Variants in EYS observed in about 807,000 individuals in gnomAD.
EYS encodes EGF-like photoreceptor maintenance factor.
Under a neutral mutation model 282.1 loss-of-function variants are expected in EYS, and 250 were observed. The ratio of observed to expected loss-of-function variants is 0.89; its 90% CI spans 0.80 to 0.98. The LOEUF (loss-of-function observed/expected upper bound fraction) is 0.98. Ranked by LOEUF, EYS falls within the 50% of genes least tolerant of loss-of-function variation. The probability of loss-of-function intolerance (pLI) is 0.00; values close to 1 mark genes in which losing one functional copy is unlikely to be tolerated. For synonymous variants in EYS, 1,355 were observed against 1,282.9 expected (o/e 1.06, Z -1.20); for missense variants, 4,016 against 3,709.0 (o/e 1.08, Z -2.15).
intron 32 of EYS, among the ~76,000 whole-genome samples, chr6:64,068,948 T>G (rs1371342461): frequency 1.4e-5 from 2 of 141,234 alleles, no homozygotes; most frequent in Non-Finnish European, 3.1e-5. Flanking sequence ...GCCTTAAACA[T>G]AGACACAAGT....
chr6:64,801,294 C>T (rs1774544055), intron 22 of EYS, among the ~76,000 whole-genome samples: 1 of 152,050 alleles, frequency 6.6e-6, no homozygotes, highest in Non-Finnish European at 1.5e-5. Context: ...TTGAAGAAAA[C>T]ATAAGTGTTT....
intron 30 of EYS, among the ~76,000 whole-genome samples, chr6:64,301,082 T>C (rs572884936): frequency 1.3e-5 from 2 of 152,334 alleles, no homozygotes; most frequent in Non-Finnish European, 2.9e-5. Flanking sequence ...AGAGATTTAA[T>C]GATTGCGCCT....
intron 22 of EYS, among the ~76,000 whole-genome samples, chr6:64,686,825 A>ATATATATACGTG (rs1562133928): frequency 0.028 from 493 of 17,682 alleles, 34 homozygotes; most frequent in Non-Finnish European, 0.091. Flanking sequence ...ATATATGTGT[A>ATATATATACGTG]TATATATATA....
At position 64,092,599 on chromosome 6, in the gene EYS, CTT is replaced by C. The variant is rs989093763; in HGVS notation, c.6425-10599_6425-10598del. Among the ~76,000 whole-genome samples, 42 of 151,922 alleles carry C rather than the reference CTT, an allele frequency of 2.8e-4. No homozygotes were observed. The South Asian group carries it at 3.7e-3, about 14-fold the overall frequency. On this transcript the variant is annotated intron_variant, in intron 31 of 42. Coordinates refer to ENST00000503581, the MANE Select transcript of EYS (RefSeq NM_001142800.2). ...CCTTTGCCCACTTTTTGATGGGGTT[CTT>C]TGTTTTTTTTCTTGTAAATTTGTTT... is the stretch of plus-strand genomic sequence containing the variant.
intron 18 of EYS, among the ~76,000 whole-genome samples, chr6:64,892,042 G>A (rs531972916): frequency 1.3e-5 from 2 of 151,976 alleles, no homozygotes; most frequent in Middle Eastern, 7.0e-3. Flanking sequence ...CATTTTAACA[G>A]TGACTTCTGA....
At position 64,021,333 on chromosome 6, in the gene EYS, G is replaced by T. The variant is rs533976364; in HGVS notation, c.6726-22150C>A. 1.2e-4 allele frequency among the ~76,000 whole-genome samples: 18 copies of T among 151,892 alleles called. No individual in the cohort carries two copies. In the East Asian group the frequency reaches 2.7e-3, roughly 23 times the overall value. On this transcript the variant is annotated intron_variant, in intron 33 of 42. Coordinates refer to ENST00000503581, the MANE Select transcript of EYS (RefSeq NM_001142800.2). ...AGTAGTGCTAGACTGGGGGGAGTTT[G>T]CTTCCTGGGGTACATTTGACAATGC...
At chr6:64,398,567 T>C (rs1773452775) in intron 28 of EYS, among the ~76,000 whole-genome samples, 2 of 151,762 alleles carry the variant, frequency 1.3e-5, no homozygotes, top group South Asian at 2.1e-4. Flanking sequence ...TATACACACA[T>C]ACCACAAATA....
chr6:63,734,686 G>A (rs903975322), intron 41 of EYS, among the ~76,000 whole-genome samples: 2 of 152,098 alleles, frequency 1.3e-5, no homozygotes, highest in Admixed American at 6.6e-5. Flanking sequence ...TGAGAAACTA[G>A]AAGGATAATG....
chr6:65,497,445 T>C (rs760452510), intron 2 of EYS, among the ~76,000 whole-genome samples: 1 of 152,034 alleles, frequency 6.6e-6, no homozygotes, highest in Non-Finnish European at 1.5e-5. Context: ...AGAGAGCATC[T>C]ACATCTAAAG....
chr6:63,879,515 T>C (rs1773071749), intron 35 of EYS, among the ~76,000 whole-genome samples: 1 of 152,168 alleles, frequency 6.6e-6, no homozygotes, highest in Non-Finnish European at 1.5e-5. Context: ...CTTTTATCCA[T>C]TGTACTTATC....
intron 11 of EYS, among the ~76,000 whole-genome samples, chr6:65,309,937 G>T (rs569947451): frequency 1.3e-5 from 2 of 152,212 alleles, no homozygotes; most frequent in South Asian, 4.1e-4. Flanking sequence ...TCCTCCCCTT[G>T]ATCCCTGTTC....
chr6:64,089,183 C>T (rs1486599015), intron 31 of EYS, among the ~76,000 whole-genome samples: 1 of 151,568 alleles, frequency 6.6e-6, no homozygotes, highest in Non-Finnish European at 1.5e-5. Context: ...AAAAATATTA[C>T]ATTTTCCACT....
intron 12 of EYS, among the ~76,000 whole-genome samples, chr6:65,288,109 T>C (rs1768420204): frequency 6.6e-6 from 1 of 151,170 alleles, no homozygotes; most frequent in African/African-American, 2.4e-5. Flanking sequence ...TATCTTGAAA[T>C]ATTGGACTTT....
At chr6:63,787,304 C>G (rs1770390583) in intron 39 of EYS, 1 of 152,238 alleles carries the variant, frequency 6.6e-6, no homozygotes, top group South Asian at 2.1e-4. Context: ...TTGGCTTGCT[C>G]TGGCCTCTGT....
chr6:63,753,258 A>G (rs1769390513), intron 41 of EYS, among the ~76,000 whole-genome samples: 1 of 151,078 alleles, frequency 6.6e-6, no homozygotes, highest in African/African-American at 2.4e-5. Flanking sequence ...TAAATTGTAT[A>G]GGAAGATTTA....
At chr6:64,333,931 C>G (rs762236447) in intron 29 of EYS, among the ~76,000 whole-genome samples, 5 of 152,112 alleles carry the variant, frequency 3.3e-5, no homozygotes, top group Non-Finnish European at 5.9e-5. Context: ...GAATTGATGC[C>G]GCAAGACAAT....
At chr6:64,022,231 G>C (rs1367980467) in intron 33 of EYS, among the ~76,000 whole-genome samples, 1 of 152,022 alleles carries the variant, frequency 6.6e-6, no homozygotes, top group East Asian at 1.9e-4. Flanking sequence ...AAAGGAGTTT[G>C]GATAACTTTA....
chr6:65,018,188 G>T (rs1197191591), intron 13 of EYS, among the ~76,000 whole-genome samples: 1 of 152,166 alleles, frequency 6.6e-6, no homozygotes, highest in Non-Finnish European at 1.5e-5. Flanking sequence ...CCATATCAAA[G>T]CACCACAAAC....
intron 1 of EYS, among the ~76,000 whole-genome samples, chr6:65,654,606 A>T (rs1471466414): frequency 6.6e-6 from 1 of 151,870 alleles, no homozygotes; most frequent in Non-Finnish European, 1.5e-5. Context: ...TGAGCTACAT[A>T]GTACTGGGTG....
Sources: allele counts gnomAD v4.1 joint callset (sites outside exome capture counted in the v4.1 genomes callset), GRCh38; gene constraint gnomAD v4.1.1; transcripts MANE v1.5; gene names NCBI Gene and HGNC (gene_info 2026-07-23, HGNC 2026-07-21).